Variants in EPB41L2 observed in about 807,000 individuals in gnomAD.
The protein encoded by EPB41L2 is band 4.1-like protein 2.
EPB41L2 carries 43 observed loss-of-function variants against 113.0 expected under a neutral mutation model. That is an observed-to-expected ratio of 0.38 (90% CI 0.30 to 0.49). The LOEUF (loss-of-function observed/expected upper bound fraction) is 0.49, where lower values mean the gene tolerates loss of function less well. Among genes scored for constraint, EPB41L2 ranks in the 20% least tolerant of loss-of-function variants. EPB41L2 has a pLI of 0.95. For missense variants in EPB41L2, 1,147 were observed against 1,223.4 expected (o/e 0.94, Z 0.93); for synonymous variants, 442 against 436.7 (o/e 1.01, Z -0.15).
chr6:130,926,272 G>C (rs539567708), intron 4 of EPB41L2, among the ~76,000 whole-genome samples: 1 of 152,326 alleles, frequency 6.6e-6, no homozygotes, highest in East Asian at 1.9e-4. Context: ...GAGTGATTGA[G>C]AGCCAAAAGT....
At chr6:131,045,344 A>G (rs573960583) in intron 1 of EPB41L2, among the ~76,000 whole-genome samples, 24 of 152,160 alleles carry the variant, frequency 1.6e-4, no homozygotes, top group Non-Finnish European at 1.5e-5. Flanking sequence ...TTTAATATGA[A>G]TATTTAATAT....
chr6:130,936,814 A>T (rs1012927797), intron 3 of EPB41L2, among the ~76,000 whole-genome samples: 9 of 152,230 alleles, frequency 5.9e-5, no homozygotes, highest in African/African-American at 2.2e-4. Flanking sequence ...ACAGCTGTGA[A>T]GTAAAGGAAC....
chr6:130,921,676 A>G (rs1287080953), intron 4 of EPB41L2, among the ~76,000 whole-genome samples: 4 of 152,212 alleles, frequency 2.6e-5, no homozygotes, highest in Non-Finnish European at 5.9e-5. Flanking sequence ...AACTGCTCAT[A>G]TGATTTCCAA....
rs755042160 is a variant in EPB41L2, at chr6:130,878,266, G to T, written c.1897-16C>A. 3 of 1,583,038 alleles carry T rather than the reference G, an allele frequency of 1.9e-6. No individual in the cohort carries two copies. Among genetic ancestry groups the T allele is most frequent in the African/African-American group, 1.4e-5 (1 of 73,162 alleles). On this transcript the variant is annotated splice_polypyrimidine_tract_variant and intron_variant, in intron 13 of 19. Coordinates refer to ENST00000337057, the MANE Select transcript of EPB41L2 (RefSeq NM_001431.4). ...TATCCAGTTCCTAGCAATATGTAAC[G>T]TAACAAAGGGGGGAAAAATCCAAAA...
At chr6:131,043,506 G>A (rs1267709147) in intron 1 of EPB41L2, among the ~76,000 whole-genome samples, 1 of 151,910 alleles carries the variant, frequency 6.6e-6, no homozygotes, top group Non-Finnish European at 1.5e-5. Context: ...ACATAGGGAT[G>A]GAATCAGAAA....
In EPB41L2 at chr6:131,025,037, T is replaced by C. The variant is rs578026266; in HGVS notation, c.-15+38118A>G. ...TCTCATTGGAGGCCTCACTCTACTC[T>C]GCTTATTTCAGGGTTTTTTTTTTAA... On this transcript the variant is annotated intron_variant, in intron 1 of 19. Coordinates refer to ENST00000337057, the MANE Select transcript of EPB41L2 (RefSeq NM_001431.4). Among the ~76,000 whole-genome samples, 33 of 152,234 alleles carry C rather than the reference T, an allele frequency of 2.2e-4. 1 individual carries two copies. The South Asian group carries it at 6.6e-3, about 31-fold the overall frequency.
At chr6:130,907,558 G>C (rs942658728) in intron 5 of EPB41L2, among the ~76,000 whole-genome samples, 25 of 151,890 alleles carry the variant, frequency 1.6e-4, no homozygotes, top group Non-Finnish European at 3.4e-4. Flanking sequence ...TCAGTCCTGG[G>C]CAAATCAGGA....
At chr6:130,874,289 C>G (rs1049124087) in intron 14 of EPB41L2, among the ~76,000 whole-genome samples, 4 of 151,576 alleles carry the variant, frequency 2.6e-5, no homozygotes, top group African/African-American at 9.7e-5. Flanking sequence ...GAAACTATTC[C>G]TGCTTTTTTA....
intron 10 of EPB41L2, among the ~76,000 whole-genome samples, chr6:130,890,969 C>A (rs1792647241): frequency 6.6e-6 from 1 of 152,170 alleles, no homozygotes; most frequent in African/African-American, 2.4e-5. Flanking sequence ...CCCTTCTTGC[C>A]AGCACAATTC....
intron 10 of EPB41L2, among the ~76,000 whole-genome samples, chr6:130,892,307 G>A (rs889987899): frequency 3.4e-5 from 4 of 118,934 alleles, no homozygotes; most frequent in Non-Finnish European, 8.0e-5. Flanking sequence ...TGCCTAGGGC[G>A]AGAAATAGAC....
At chr6:130,890,001 C>T (rs1159406385) in intron 11 of EPB41L2, among the ~76,000 whole-genome samples, 2 of 151,994 alleles carry the variant, frequency 1.3e-5, no homozygotes, top group African/African-American at 4.8e-5. Flanking sequence ...TATGTCAGTG[C>T]TCAAAGGCTT....
intron 3 of EPB41L2, among the ~76,000 whole-genome samples, chr6:130,937,227 C>T (rs1809111590): frequency 6.6e-6 from 1 of 152,186 alleles, no homozygotes; most frequent in Admixed American, 6.5e-5. Flanking sequence ...TGACACGTAT[C>T]CACGATGTAT....
intron 1 of EPB41L2, among the ~76,000 whole-genome samples, chr6:131,032,478 T>C (rs190737098): frequency 1.5e-4 from 23 of 152,248 alleles, no homozygotes; most frequent in Non-Finnish European, 2.5e-4. Flanking sequence ...ATTATTCAGT[T>C]CACAAAGCAC....
intron 1 of EPB41L2, among the ~76,000 whole-genome samples, chr6:130,960,043 C>A (rs1486062535): frequency 6.6e-6 from 1 of 152,218 alleles, no homozygotes; most frequent in Non-Finnish European, 1.5e-5. Context: ...TACTGTCTGA[C>A]ACAGTGCCCA....
intron 5 of EPB41L2, among the ~76,000 whole-genome samples, chr6:130,907,678 G>A (rs891506099): frequency 2.0e-5 from 3 of 151,888 alleles, no homozygotes; most frequent in Non-Finnish European, 2.9e-5. Flanking sequence ...AAAGAGAGTA[G>A]GGAAGCAAAG....
intron 3 of EPB41L2, among the ~76,000 whole-genome samples, chr6:130,936,517 T>C (rs1474314506): frequency 1.3e-5 from 2 of 152,216 alleles, no homozygotes; most frequent in African/African-American, 4.8e-5. Context: ...AACCAAGTTA[T>C]TTAAATTACA....
At chr6:130,941,722 G>T (rs1293436702) in intron 3 of EPB41L2, among the ~76,000 whole-genome samples, 1 of 152,198 alleles carries the variant, frequency 6.6e-6, no homozygotes, top group Non-Finnish European at 1.5e-5. Context: ...TAACCAGACT[G>T]ATGCACAAAA....
chr6:130,866,964 CTG>C (rs992228183), intron 16 of EPB41L2, among the ~76,000 whole-genome samples: 2 of 151,508 alleles, frequency 1.3e-5, no homozygotes, highest in Non-Finnish European at 2.9e-5. Context: ...GTGTGTGTGC[CTG>C]TGTGTGTTTG....
At chr6:131,040,888 C>T (rs540748856) in intron 1 of EPB41L2, among the ~76,000 whole-genome samples, 2 of 152,150 alleles carry the variant, frequency 1.3e-5, no homozygotes, top group African/African-American at 4.8e-5. Flanking sequence ...GAATTAAATA[C>T]CCTCACATAG....
Sources: gnomAD v4.1 joint callset for allele counts (sites outside exome capture counted in the v4.1 genomes callset) on GRCh38, gnomAD v4.1.1 for gene constraint, MANE v1.5 for transcripts, NCBI Gene and HGNC (gene_info 2026-07-23, HGNC 2026-07-21) for gene names.